Variants in EPS15 observed in about 807,000 individuals in gnomAD.
EPS15 encodes the protein epidermal growth factor receptor substrate 15.
A neutral mutation model predicts 113.8 loss-of-function variants in EPS15; 72 were observed. That is an observed-to-expected ratio of 0.63 (90% confidence interval 0.52 to 0.77). The LOEUF is 0.77. Among genes scored for constraint, EPS15 ranks in the 30% least tolerant of loss-of-function variants. The probability of loss-of-function intolerance (pLI) is 0.00; values close to 1 mark genes in which losing one functional copy is unlikely to be tolerated. For synonymous variants in EPS15, 344 were observed against 363.4 expected (o/e 0.95, Z 0.61); for missense variants, 1,048 against 1,045.8 (o/e 1.00, Z -0.03).
intron 1 of EPS15, among the ~76,000 whole-genome samples, chr1:51,507,495 T>C (rs1644517640): frequency 6.6e-6 from 1 of 151,598 alleles, no homozygotes; most frequent in African/African-American, 2.4e-5. Flanking sequence ...ACCCCATCTC[T>C]ACCAAAAATA....
chr1:51,394,591 A>G, intron 20 of EPS15, 144 bp from the exon 21 acceptor site: 1 of 466,018 alleles, frequency 2.1e-6, no homozygotes, highest in South Asian at 5.5e-5. Context: ...CCCCATAGTG[A>G]TCTGCAATCT....
At chr1:51,494,123 TC>T (rs2148541768) in intron 1 of EPS15, among the ~76,000 whole-genome samples, 1 of 152,282 alleles carries the variant, frequency 6.6e-6, no homozygotes, top group East Asian at 1.9e-4. Flanking sequence ...CTCTTTAACT[TC>T]AAGAACCTCT....
chr1:51,516,357 G>C (rs897907204), intron 1 of EPS15, among the ~76,000 whole-genome samples: 3 of 152,200 alleles, frequency 2.0e-5, no homozygotes. Flanking sequence ...TCAGTACCTA[G>C]AGTAATTCCT....
chr1:51,414,173 A>C (rs1485007540), intron 13 of EPS15, among the ~76,000 whole-genome samples: 1 of 152,174 alleles, frequency 6.6e-6, no homozygotes, highest in Middle Eastern at 3.2e-3. Flanking sequence ...GCACTTTGGG[A>C]GGCTGAGACG....
intron 20 of EPS15, among the ~76,000 whole-genome samples, chr1:51,395,309 A>G (rs900933325): frequency 5.3e-5 from 8 of 152,184 alleles, no homozygotes; most frequent in African/African-American, 1.9e-4. Flanking sequence ...ACTATAAACC[A>G]TAGATTTTAT....
chr1:51,423,491 GTT>G, intron 12 of EPS15: 1 of 985,398 alleles, frequency 1.0e-6, no homozygotes, highest in South Asian at 4.7e-5. Flanking sequence ...GCTGCAGCAT[GTT>G]AGAGATAAGT....
At chr1:51,448,706 G>A (rs577269034) in intron 8 of EPS15, among the ~76,000 whole-genome samples, 2 of 152,232 alleles carry the variant, frequency 1.3e-5, no homozygotes, top group Non-Finnish European at 2.9e-5. Flanking sequence ...TTACACTGCT[G>A]GTGGGAGCTG....
rs1358207860 is a variant in EPS15 at position 51,401,089 on chromosome 1, G to C, written c.1883-136C>G. ...TTCACTTCACAGTAGATAAAATAAG[G>C]AATGTCATTGACCTTATGAAATATA... On this transcript the variant is annotated intron_variant, in intron 18 of 24. Transcript: ENST00000371733. The C allele has an allele frequency of 7.1e-6, 4 of 561,110 alleles. No individual in the cohort carries two copies. In the African/African-American group the frequency reaches 7.9e-5, roughly 11 times the overall value. 34.8% of individuals were successfully genotyped at this position (561,110 alleles called of 1,614,324 possible).
At chr1:51,423,827 G>T in intron 12 of EPS15, 1 of 514,826 alleles carries the variant, frequency 1.9e-6, no homozygotes, top group Non-Finnish European at 2.5e-6. Context: ...ATCCAAAACA[G>T]ATTACAAAGG....
At chr1:51,390,135 G>C (rs1398266881) in intron 21 of EPS15, among the ~76,000 whole-genome samples, 2 of 152,118 alleles carry the variant, frequency 1.3e-5, no homozygotes, top group African/African-American at 4.8e-5. Flanking sequence ...CAATGGAACA[G>C]AACAGAGCCC....
At chr1:51,440,686 C>T (rs1273180174) in intron 11 of EPS15, among the ~76,000 whole-genome samples, 2 of 151,944 alleles carry the variant, frequency 1.3e-5, no homozygotes, top group Non-Finnish European at 2.9e-5. Context: ...TCCCCACCTC[C>T]GATCCGAATG....
chr1:51,430,928 C>T (rs187761479), intron 12 of EPS15, among the ~76,000 whole-genome samples: 182 of 150,238 alleles, frequency 1.2e-3, no homozygotes, highest in South Asian at 2.1e-3. Context: ...CACTGCTCTC[C>T]AGCCTGGGCA....
chr1:51,366,533 A>G (rs936320984), intron 21 of EPS15, among the ~76,000 whole-genome samples: 3 of 152,230 alleles, frequency 2.0e-5, no homozygotes, highest in Admixed American at 2.0e-4. Context: ...CTGATGAATG[A>G]TTTATAGGTA....
At chr1:51,373,507 T>C (rs1300526622) in intron 21 of EPS15, among the ~76,000 whole-genome samples, 1 of 152,232 alleles carries the variant, frequency 6.6e-6, no homozygotes, top group African/African-American at 2.4e-5. Context: ...GGAGTTGAAT[T>C]ATCCCCATCT....
chr1:51,370,472 A>T (rs1400842174), intron 21 of EPS15, among the ~76,000 whole-genome samples: 2 of 152,226 alleles, frequency 1.3e-5, no homozygotes, highest in East Asian at 3.8e-4. Flanking sequence ...TCAGTGCTCA[A>T]AAAGGTTTAG....
rs1329588280 is a variant in EPS15, at chr1:51,355,368, GT to G, written c.*1331del. On this transcript the variant is annotated 3_prime_UTR_variant, in exon 25 of 25. Transcript: ENST00000371733. ...TTTAGGTGCATTTTTCTTTATCTTGGTATTTAATACATCATCTAAGTCAGTA... is the reference window on the plus strand; with the variant it reads ...TTTAGGTGCATTTTTCTTTATCTTGGATTTAATACATCATCTAAGTCAGTA... 4.8e-6 allele frequency: 1 copy of G among 208,228 alleles called. No homozygotes were observed. The highest frequency in any genetic ancestry group is 2.3e-5 in the African/African-American group (1 of 43,930). The allele number at this position is 208,228 out of a possible 1,614,324, so 12.9% of individuals were successfully genotyped here. A position where few individuals can be genotyped will look rare whatever the true frequency, so the allele number is the denominator to read the frequency against.
At chr1:51,477,389 C>G (rs908990502) in intron 2 of EPS15, among the ~76,000 whole-genome samples, 6 of 152,064 alleles carry the variant, frequency 3.9e-5, no homozygotes, top group African/African-American at 1.4e-4. Flanking sequence ...TTTTGTTGAT[C>G]TTTTCAAAAA....
intron 19 of EPS15, among the ~76,000 whole-genome samples, 185 bp downstream of exon 19, chr1:51,400,733 A>AAAAAAAAAAAAAG: frequency 6.8e-6 from 1 of 147,764 alleles, no homozygotes; most frequent in Non-Finnish European, 1.5e-5. Context: ...AAAAAAAAAA[A>AAAAAAAAAAAAAG]AAGAAGAAGT....
intron 8 of EPS15, among the ~76,000 whole-genome samples, chr1:51,456,997 GA>G (rs1246430117): frequency 6.6e-6 from 1 of 152,104 alleles, no homozygotes; most frequent in Non-Finnish European, 1.5e-5. Context: ...ATTAGAACAT[GA>G]GGGGGGGCCA....
Sources: allele counts gnomAD v4.1 joint callset (sites outside exome capture counted in the v4.1 genomes callset), GRCh38; gene constraint gnomAD v4.1.1; transcripts MANE v1.5; gene names NCBI Gene and HGNC (gene_info 2026-07-23, HGNC 2026-07-21).